DMD: variants seen among roughly 807,000 people sequenced by gnomAD.
The protein encoded by DMD is dystrophin.
In DMD, 63 loss-of-function variants were observed where a neutral mutation model predicts 330.1. That is an observed-to-expected ratio of 0.19 (90% CI 0.16 to 0.24). The LOEUF is 0.24. DMD is among the 10% of genes least tolerant of loss of function. The probability of loss-of-function intolerance (pLI) is 1.00; values close to 1 mark genes in which losing one functional copy is unlikely to be tolerated. For synonymous variants in DMD, 1,223 were observed against 959.8 expected (o/e 1.27, Z -5.07); for missense variants, 3,344 against 2,684.1 (o/e 1.25, Z -5.43).
intron 44 of DMD, among the ~76,000 whole-genome samples, chrX:32,208,062 A>T (rs1239762412): frequency 8.9e-6 from 1 of 112,138 alleles, no homozygotes; most frequent in African/African-American, 3.2e-5. Flanking sequence ...ATGCTGCCAC[A>T]TTAAATTTAT....
intron 44 of DMD, among the ~76,000 whole-genome samples, chrX:32,121,266 A>C (rs956640533): frequency 2.5e-4 from 28 of 111,191 alleles, no homozygotes; most frequent in African/African-American, 7.8e-4. Context: ...AGAGGAATGT[A>C]TCTAGTTCTT....
intron 48 of DMD, among the ~76,000 whole-genome samples, chrX:31,863,190 A>C (rs1449397744): frequency 1.8e-5 from 2 of 112,025 alleles, no homozygotes; most frequent in Middle Eastern, 4.6e-3. Context: ...AAAAATACAC[A>C]AAATTAGCCG....
chrX:33,009,423 T>C (rs1253250984), intron 2 of DMD, among the ~76,000 whole-genome samples: 1 of 88,346 alleles, frequency 1.1e-5, no homozygotes, highest in African/African-American at 4.3e-5. Flanking sequence ...CACATGTGTG[T>C]ATATGTATGT....
chrX:31,631,424 G>A (rs2079130108), intron 54 of DMD, among the ~76,000 whole-genome samples: 2 of 111,024 alleles, frequency 1.8e-5, no homozygotes, highest in South Asian at 7.9e-4. Context: ...CGGGCTGCAC[G>A]TATTGGTTGA....
intron 7 of DMD, chrX:32,755,136 G>A (rs748186065): frequency 4.5e-5 from 5 of 110,724 alleles, no homozygotes; most frequent in African/African-American, 1.6e-4. Context: ...GTATCTGCTT[G>A]TCTCCCATGA....
intron 32 of DMD, among the ~76,000 whole-genome samples, chrX:32,386,971 G>T (rs745773179): frequency 9.1e-6 from 1 of 110,188 alleles, no homozygotes; most frequent in South Asian, 3.8e-4. Flanking sequence ...TTACATATTA[G>T]TAACATTAAA....
chrX:32,646,437 AAT>A, intron 9 of DMD, among the ~76,000 whole-genome samples: 1 of 111,459 alleles, frequency 9.0e-6, no homozygotes, highest in Non-Finnish European at 1.9e-5. Flanking sequence ...ATATTGGAGA[AAT>A]ATTTGTAGAA....
intron 29 of DMD, among the ~76,000 whole-genome samples, chrX:32,423,406 T>A (rs2098198555): frequency 9.1e-6 from 1 of 110,032 alleles, no homozygotes; most frequent in Admixed American, 9.8e-5. Context: ...AGAGTGAATA[T>A]TAAATACTTA....
intron 45 of DMD, among the ~76,000 whole-genome samples, chrX:31,954,709 T>C (rs1321980631): frequency 9.1e-6 from 1 of 110,449 alleles, no homozygotes; most frequent in African/African-American, 3.3e-5. Context: ...AAGTAGACAC[T>C]ACCTTGGTGG....
intron 54 of DMD, among the ~76,000 whole-genome samples, chrX:31,642,718 C>T (rs1330060961): frequency 9.0e-6 from 1 of 111,150 alleles, no homozygotes; most frequent in Admixed American, 9.6e-5. Context: ...TTATTTTGCT[C>T]TATCAGTTTT....
chrX:31,937,105 G>A (rs1418693535), intron 45 of DMD, among the ~76,000 whole-genome samples: 2 of 111,312 alleles, frequency 1.8e-5, no homozygotes, highest in Non-Finnish European at 3.8e-5. Context: ...TTTTAAATGG[G>A]ATTGCATTAT....
chrX:33,117,078 A>ATAT (rs1557267528), intron 1 of DMD, among the ~76,000 whole-genome samples: 1 of 109,914 alleles, frequency 9.1e-6, no homozygotes, highest in South Asian at 3.8e-4. Flanking sequence ...ATATATATAT[A>ATAT]TTTTTTAACA....
intron 55 of DMD, among the ~76,000 whole-genome samples, chrX:31,539,528 A>C (rs2073662210): frequency 8.9e-6 from 1 of 112,133 alleles, no homozygotes; most frequent in Non-Finnish European, 1.9e-5. Context: ...AGAACACAGC[A>C]TCATCACAGC....
intron 74 of DMD, among the ~76,000 whole-genome samples, chrX:31,155,898 G>A (rs1305879744): frequency 9.1e-6 from 1 of 110,200 alleles, no homozygotes; most frequent in Non-Finnish European, 1.9e-5. Flanking sequence ...AGGAGGCTGG[G>A]GTGGGAGGAC....
Position 31,286,270 on chromosome X carries a change from A to T in DMD, c.9225-25254T>A, listed in dbSNP as rs12689034. 2.5e-4 allele frequency among the ~76,000 whole-genome samples: 28 copies of T among 112,017 alleles called. No homozygotes were observed. The East Asian group carries it at 7.3e-3, about 29-fold the overall frequency. On this transcript the variant is annotated intron_variant, in intron 62 of 78. Transcript: ENST00000357033. ...TGCTCTTATGTTTAAGCCACTACAA[A>T]TTCTTTCAAAAGAAAGTAGAAATAT...
chrX:31,182,397 A>G (rs1197945457), intron 68 of DMD, among the ~76,000 whole-genome samples: 2 of 112,266 alleles, frequency 1.8e-5, no homozygotes, highest in African/African-American at 6.5e-5. Flanking sequence ...TGAAAAAGGA[A>G]AGATGGTAAA....
intron 2 of DMD, among the ~76,000 whole-genome samples, chrX:33,004,077 T>G (rs185825753): frequency 8.9e-6 from 1 of 112,459 alleles, no homozygotes; most frequent in African/African-American, 3.2e-5. Flanking sequence ...CCAACATTTA[T>G]TGTTACTAAA....
chrX:32,072,245 C>G (rs1315402775), intron 44 of DMD, among the ~76,000 whole-genome samples: 1 of 111,514 alleles, frequency 9.0e-6, no homozygotes, highest in Non-Finnish European at 1.9e-5. Context: ...CAATGACATT[C>G]TTATCATTTG....
chrX:32,851,398 T>C (rs1222018455), intron 2 of DMD, among the ~76,000 whole-genome samples: 1 of 112,248 alleles, frequency 8.9e-6, no homozygotes, highest in Non-Finnish European at 1.9e-5. Flanking sequence ...ATTTTCAAAT[T>C]CCATGGGAAA....
Sources: gnomAD v4.1 joint callset for allele counts (sites outside exome capture counted in the v4.1 genomes callset) on GRCh38, gnomAD v4.1.1 for gene constraint, MANE v1.5 for transcripts, NCBI Gene and HGNC (gene_info 2026-07-23, HGNC 2026-07-21) for gene names.